Variants in HNRNPM observed in about 807,000 individuals in gnomAD.
HNRNPM encodes the protein heterogeneous nuclear ribonucleoprotein M.
A neutral mutation model predicts 73.1 loss-of-function variants in HNRNPM; 11 were observed. That is an observed-to-expected ratio of 0.15 (90% CI 0.09 to 0.25). HNRNPM has a LOEUF of 0.25. Ranked by LOEUF, HNRNPM falls within the 10% of genes least tolerant of loss-of-function variation. The pLI is 1.00. For synonymous variants in HNRNPM, 407 were observed against 355.2 expected (o/e 1.15, Z -1.64); for missense variants, 789 against 1,067.9 (o/e 0.74, Z 3.64).
chr19:8,451,219 G>T (rs1465985523), intron 1 of HNRNPM, among the ~76,000 whole-genome samples: 2 of 151,122 alleles, frequency 1.3e-5, no homozygotes, highest in South Asian at 4.2e-4. Context: ...ATTTTTGTAT[G>T]TTTATTAGAG....
At chr19:8,476,195 C>G (rs572447133) in intron 12 of HNRNPM, among the ~76,000 whole-genome samples, 1 of 152,162 alleles carries the variant, frequency 6.6e-6, no homozygotes, top group East Asian at 1.9e-4. Context: ...TTCTGAGATA[C>G]GGCACTCGGA....
intron 1 of HNRNPM, among the ~76,000 whole-genome samples, chr19:8,450,021 C>CGCTGGTTTT: frequency 6.6e-6 from 1 of 152,262 alleles, no homozygotes; most frequent in Middle Eastern, 3.4e-3. Flanking sequence ...ATACAGGTTG[C>CGCTGGTTTT]GCTGGTTTTG....
intron 12 of HNRNPM, among the ~76,000 whole-genome samples, chr19:8,481,193 TGG>T (rs1970892940): frequency 6.6e-6 from 1 of 152,190 alleles, no homozygotes; most frequent in Non-Finnish European, 1.5e-5. Context: ...GATAGGCCTG[TGG>T]TCTTTGGCCT....
At chr19:8,457,534 A>G (rs1287681075) in intron 2 of HNRNPM, among the ~76,000 whole-genome samples, 1 of 152,140 alleles carries the variant, frequency 6.6e-6, no homozygotes, top group Admixed American at 6.5e-5. Flanking sequence ...TCTTGTTTAG[A>G]GCTCCCCTGT....
Position 8,465,437 on chromosome 19 carries a change from A to G in HNRNPM, c.552A>G (p.Leu184=), listed in dbSNP as rs1969679156. ...PGMITIPPSI[L]NNPNIPNEII... ...TGATTACTATCCCACCCAGTATCCT[A>G]AATAATCCCAACATCCCAAATGAGA... Residue 184 remains leucine (L), a synonymous_variant, in exon 6 of 16, where the codon CTA becomes CTG. Transcript: ENST00000325495. The G allele has an allele frequency of 1.9e-6, 3 of 1,613,816 alleles. No homozygotes were observed. The highest frequency in any genetic ancestry group is 2.5e-6 in the Non-Finnish European group (3 of 1,179,730).
At chr19:8,478,861 G>A (rs547179154) in intron 12 of HNRNPM, among the ~76,000 whole-genome samples, 2 of 152,110 alleles carry the variant, frequency 1.3e-5, no homozygotes, top group African/African-American at 2.4e-5. Flanking sequence ...TGGGGCAGGA[G>A]TTTCCTTACC....
chr19:8,485,927 C>A lies in HNRNPM; in HGVS notation c.1499C>A (p.Pro500His). The change falls in exon 14 of 16, where the codon CCC (proline) becomes CAC (histidine). Residue 500 changes from proline (P) to histidine (H), a missense_variant. Pro to His is a moderately conservative substitution (Grantham distance 77). This residue lies in a region of HNRNPM where 604 missense variants were observed against 744.0 expected (regional missense o/e 0.81). Coordinates refer to ENST00000325495, the MANE Select transcript of HNRNPM (RefSeq NM_005968.5). Reference sequence around the variant, plus strand: ...TTCGGCCTTGAGCGCATGGCCGCTCCCATCGACCGTGTGGGCCAGACCATT... The same window carrying A: ...TTCGGCCTTGAGCGCATGGCCGCTCACATCGACCGTGTGGGCCAGACCATT... The part of the protein sequence containing the change: ...MGFGLERMAA[P>H]IDRVGQTIER... The A allele has an allele frequency of 6.2e-7, 1 of 1,604,180 alleles. No individual in the cohort carries two copies.
At chr19:8,451,581 C>T (rs544060802) in intron 1 of HNRNPM, among the ~76,000 whole-genome samples, 53 of 152,164 alleles carry the variant, frequency 3.5e-4, no homozygotes, top group East Asian at 5.8e-4. Flanking sequence ...CTGTTACCCC[C>T]GGCTGGAGTG....
At chr19:8,467,269 T>C (rs1008583920) in intron 7 of HNRNPM, among the ~76,000 whole-genome samples, 1 of 152,208 alleles carries the variant, frequency 6.6e-6, no homozygotes, top group Non-Finnish European at 1.5e-5. Flanking sequence ...TTGATGCCAC[T>C]GCTTAAGAGG....
At chr19:8,476,348 C>T (rs1238884030) in intron 12 of HNRNPM, among the ~76,000 whole-genome samples, 1 of 152,068 alleles carries the variant, frequency 6.6e-6, no homozygotes, top group African/African-American at 2.4e-5. Context: ...TTGAAGCAGA[C>T]GTTTGGGTTT....
chr19:8,460,726 C>G (rs984455797), intron 2 of HNRNPM, among the ~76,000 whole-genome samples: 1 of 152,194 alleles, frequency 6.6e-6, no homozygotes, highest in African/African-American at 2.4e-5. Flanking sequence ...ATTTCGGCAA[C>G]ATGGTTGCAG....
chr19:8,456,811 G>A (rs535709507), intron 2 of HNRNPM, among the ~76,000 whole-genome samples: 3 of 152,284 alleles, frequency 2.0e-5, no homozygotes, highest in African/African-American at 4.8e-5. Flanking sequence ...ATGGAAAAAC[G>A]TTTTGGTGTG....
In HNRNPM at chr19:8,475,637, A is replaced by C. The variant is rs527553810; in HGVS notation, c.1120+1393A>C. 7.2e-5 allele frequency among the ~76,000 whole-genome samples: 11 copies of C among 152,328 alleles called. No homozygotes were observed. The South Asian group carries it at 2.3e-3, about 32-fold the overall frequency. Reference sequence around the variant, plus strand: ...CTAGAAGCTGGTAAAAGGATGTAGGAAAGTTGTCACCATTAGTAATAAAGC... The same window carrying C: ...CTAGAAGCTGGTAAAAGGATGTAGGCAAGTTGTCACCATTAGTAATAAAGC... On this transcript the variant is annotated intron_variant, in intron 12 of 15. Transcript: ENST00000325495.
At chr19:8,488,159 G>C (rs1368677205) in intron 15 of HNRNPM, 1 of 152,510 alleles carries the variant, frequency 6.6e-6, no homozygotes, top group Non-Finnish European at 1.5e-5. Context: ...CCCTCTCTTA[G>C]GCACTGAGTT....
Position 8,471,421 on chromosome 19 carries a change from C to T in HNRNPM, c.991C>T (p.Pro331Ser). ...NKGIGMGNIG[P>S]AGMGMEGIGF... Reference sequence around the variant, plus strand: ...AGGCATCGGAATGGGAAACATAGGTCCCGCAGGTGAGAATGACAGTGCACC... The same window carrying T: ...AGGCATCGGAATGGGAAACATAGGTTCCGCAGGTGAGAATGACAGTGCACC... Residue 331 changes from proline to serine, a missense_variant, in exon 10 of 16, where the codon CCC becomes TCC. Coordinates refer to ENST00000325495, the MANE Select transcript of HNRNPM (RefSeq NM_005968.5). The T allele has an allele frequency of 6.3e-7, 1 of 1,590,544 alleles. No homozygotes were observed. The highest frequency in any genetic ancestry group is 8.6e-7 in the Non-Finnish European group (1 of 1,166,442).
chr19:8,468,620 T>C (rs7258281), intron 8 of HNRNPM, among the ~76,000 whole-genome samples, 154 bp from the exon 9 acceptor site: 132,215 of 152,084 alleles, frequency 0.87, 59,618 homozygotes, highest in South Asian at 0.99. Flanking sequence ...ATAGGAAGCA[T>C]GCTCCGCATG....
chr19:8,481,988 T>C (rs1272015451), intron 12 of HNRNPM, among the ~76,000 whole-genome samples: 10 of 106,152 alleles, frequency 9.4e-5, no homozygotes, highest in African/African-American at 1.3e-4. Flanking sequence ...TTTTTTTTTT[T>C]CTTAGAGACA....
intron 2 of HNRNPM, among the ~76,000 whole-genome samples, chr19:8,459,590 A>G (rs1969263043): frequency 6.6e-6 from 1 of 152,192 alleles, no homozygotes; most frequent in South Asian, 2.1e-4. Flanking sequence ...AAAAAAAAAT[A>G]TATAGGTCTT....
chr19:8,471,202 TCA>T lies in HNRNPM; in HGVS notation c.896-122_896-121del, dbSNP rs1362620417. 3 of 513,104 alleles carry T rather than the reference TCA, an allele frequency of 5.8e-6. No individual in the cohort carries two copies. In the African/African-American group the frequency reaches 6.1e-5, roughly 10 times the overall value. The allele number at this position is 513,104 out of a possible 1,614,324, so 31.8% of individuals were successfully genotyped here. On this transcript the variant is annotated intron_variant, in intron 9 of 15. Transcript: ENST00000325495. ...TTGAATTTTGCATTGGGCCCTGAGG[TCA>T]CTGGTGGGTGGGGGTGGGTAGGCTG...
Sources: gnomAD v4.1 joint callset for allele counts (sites outside exome capture counted in the v4.1 genomes callset) on GRCh38, gnomAD v4.1.1 for gene constraint, gnomAD v4.1.1 regional missense constraint, MANE v1.5 for transcripts, NCBI Gene and HGNC (gene_info 2026-07-23, HGNC 2026-07-21) for gene names.